Variants in KIRREL3 observed in about 807,000 individuals in gnomAD.
KIRREL3 encodes kirre like nephrin family adhesion molecule 3, also known as kin of IRRE-like protein 3.
A neutral mutation model predicts 89.7 loss-of-function variants in KIRREL3; 36 were observed. That is an observed-to-expected ratio of 0.40 (90% CI 0.31 to 0.53). The LOEUF (loss-of-function observed/expected upper bound fraction) is 0.53, where lower values mean the gene tolerates loss of function less well. Among genes scored for constraint, KIRREL3 ranks in the 20% least tolerant of loss-of-function variants. The pLI, the probability that KIRREL3 is intolerant of heterozygous loss-of-function variation, is 0.49. For synonymous variants in KIRREL3, 445 were observed against 441.4 expected (o/e 1.01, Z -0.10); for missense variants, 864 against 1,056.6 (o/e 0.82, Z 2.53).
Position 126,429,140 on chromosome 11 carries a change from G to A in KIRREL3, c.1806+39C>T. 1 of 1,320,282 alleles carries A rather than the reference G, an allele frequency of 7.6e-7. No individual in the cohort carries two copies. 81.8% of individuals were successfully genotyped at this position (1,320,282 alleles called of 1,614,324 possible). On this transcript the variant is annotated intron_variant, in intron 15 of 16. Coordinates refer to ENST00000525144, the MANE Select transcript of KIRREL3 (RefSeq NM_032531.4). The surrounding 1 kb of genome is among the most constrained non-coding windows in gnomAD (Gnocchi z 5.2). ...TCTAGTCCCAGGACCTTCTGGGAAT[G>A]GAGTCACGGGATGGGATGGGGCGTA...
At position 126,837,243 on chromosome 11, in the gene KIRREL3, A is replaced by C. The variant is rs1943811724; in HGVS notation, c.55+163212T>G. On this transcript the variant is annotated intron_variant, in intron 1 of 16. Coordinates refer to ENST00000525144, the MANE Select transcript of KIRREL3 (RefSeq NM_032531.4). This position sits in a 1 kb window ranked among gnomAD's most constrained non-coding sequence, Gnocchi z 4.7. ...ATAGGTTTAATAAAACCAGCCTTAGAACCCTGAGGGAGACAATACATGTAA... is the reference window on the plus strand; with the variant it reads ...ATAGGTTTAATAAAACCAGCCTTAGCACCCTGAGGGAGACAATACATGTAA... Among the ~76,000 whole-genome samples, 1 of 152,174 alleles carries C rather than the reference A, an allele frequency of 6.6e-6. No homozygotes were observed. The highest frequency in any genetic ancestry group is 1.5e-5 in the Non-Finnish European group (1 of 68,034).
intron 4 of KIRREL3, among the ~76,000 whole-genome samples, chr11:126,478,633 G>A (rs185209454): frequency 6.9e-4 from 100 of 145,966 alleles, no homozygotes; most frequent in Non-Finnish European, 1.2e-3. Flanking sequence ...GTGTGTATGC[G>A]TGTGTATGTG....
rs1347020874 is a variant in KIRREL3, at chr11:126,729,487, C to A, written c.56-166575G>T. 2.0e-5 allele frequency among the ~76,000 whole-genome samples: 3 copies of A among 152,124 alleles called. No individual in the cohort carries two copies. ...AGTCCTCCAGAGTCACAGGGGGAGTCAAAGGGTCAATAGGTGCTTCTCCTT... is the reference window on the plus strand; with the variant it reads ...AGTCCTCCAGAGTCACAGGGGGAGTAAAAGGGTCAATAGGTGCTTCTCCTT... On this transcript the variant is annotated intron_variant, in intron 1 of 16. Coordinates refer to ENST00000525144, the MANE Select transcript of KIRREL3 (RefSeq NM_032531.4). This position sits in a 1 kb window ranked among gnomAD's most constrained non-coding sequence, Gnocchi z 4.5.
At chr11:126,546,225 C>G (rs1040102814) in intron 2 of KIRREL3, among the ~76,000 whole-genome samples, 3 of 152,242 alleles carry the variant, frequency 2.0e-5, no homozygotes, top group African/African-American at 7.2e-5. Flanking sequence ...CTCCAAACAG[C>G]TGAGCTTGGA....
chr11:126,760,045 A>G (rs544623372), intron 1 of KIRREL3, among the ~76,000 whole-genome samples: 1 of 152,338 alleles, frequency 6.6e-6, no homozygotes, highest in South Asian at 2.1e-4. Flanking sequence ...GTTTTGATCT[A>G]GCACAGTTTT....
intron 1 of KIRREL3, among the ~76,000 whole-genome samples, chr11:126,901,288 G>A (rs139466063): frequency 2.0e-5 from 3 of 150,978 alleles, no homozygotes; most frequent in Non-Finnish European, 4.4e-5. Flanking sequence ...TCAAGTTAAC[G>A]ATTCTTTTAG....
At position 126,876,067 on chromosome 11, in the gene KIRREL3, T is replaced by A. The variant is rs1445580959; in HGVS notation, c.55+124388A>T. On this transcript the variant is annotated intron_variant, in intron 1 of 16. Coordinates refer to ENST00000525144, the MANE Select transcript of KIRREL3 (RefSeq NM_032531.4). This position sits in a 1 kb window ranked among gnomAD's most constrained non-coding sequence, Gnocchi z 4.1. Reference sequence around the variant, plus strand: ...GATGGGAGGGGCACAGGAGGGGTATTGGAGGTGACCTATTGTTGGAAATAA... The same window carrying A: ...GATGGGAGGGGCACAGGAGGGGTATAGGAGGTGACCTATTGTTGGAAATAA... 1.3e-5 allele frequency among the ~76,000 whole-genome samples: 2 copies of A among 152,116 alleles called. No individual in the cohort carries two copies. Among genetic ancestry groups the A allele is most frequent in the East Asian group, 3.9e-4 (2 of 5,178 alleles).
rs1441210048 is a variant in KIRREL3, at chr11:126,969,394, G to A, written c.55+31061C>T. 2.0e-5 allele frequency among the ~76,000 whole-genome samples: 3 copies of A among 152,114 alleles called. No homozygotes were observed. Among genetic ancestry groups the A allele is most frequent in the Non-Finnish European group, 4.4e-5 (3 of 68,026 alleles). On this transcript the variant is annotated intron_variant, in intron 1 of 16. Transcript: ENST00000525144. The surrounding 1 kb of genome is among the most constrained non-coding windows in gnomAD (Gnocchi z 4.9). ...GTGGCAGGTGTGAAGGTGGAGGTAA[G>A]TTTGGGGTGCTATGGGAACTCAGAG...
In KIRREL3 at chr11:126,495,978, C is replaced by A. The variant is rs531875838; in HGVS notation, c.434-22512G>T. Among the ~76,000 whole-genome samples, 134 of 152,332 alleles carry A rather than the reference C, an allele frequency of 8.8e-4. 1 individual carries two copies. Among genetic ancestry groups the A allele is most frequent in the African/African-American group, 3.2e-3 (133 of 41,564 alleles). On this transcript the variant is annotated intron_variant, in intron 4 of 16. Coordinates refer to ENST00000525144, the MANE Select transcript of KIRREL3 (RefSeq NM_032531.4). This position sits in a 1 kb window ranked among gnomAD's most constrained non-coding sequence, Gnocchi z 6.5. Reference sequence around the variant, plus strand: ...TTTCTCAGTATCTGCACTGCTACTACCCCAGCGCTCCAGCCCCTAGCTGTT... The same window carrying A: ...TTTCTCAGTATCTGCACTGCTACTAACCCAGCGCTCCAGCCCCTAGCTGTT...
Position 126,486,912 on chromosome 11 carries a change from T to G in KIRREL3, c.434-13446A>C, listed in dbSNP as rs544219749. Reference sequence around the variant, plus strand: ...GGAGTGTCCCCGCTGGTCCCATAAATAGAAGCAGAACTGATATAGTTGGTT... The same window carrying G: ...GGAGTGTCCCCGCTGGTCCCATAAAGAGAAGCAGAACTGATATAGTTGGTT... On this transcript the variant is annotated intron_variant, in intron 4 of 16. Coordinates refer to ENST00000525144, the MANE Select transcript of KIRREL3 (RefSeq NM_032531.4). The surrounding 1 kb of genome is among the most constrained non-coding windows in gnomAD (Gnocchi z 6.2). 6.6e-6 allele frequency among the ~76,000 whole-genome samples: 1 copy of G among 152,148 alleles called. No individual in the cohort carries two copies. The highest frequency in any genetic ancestry group is 2.4e-5 in the African/African-American group (1 of 41,524).
rs36033176 is a variant in KIRREL3 at position 126,869,154 on chromosome 11, C to CT, written c.55+131300dup. ...ACATGGGTGACCCTCTGCCTGAGGG[C>CT]TTTTTTTTTTTTTTTTTTTCTCCTA... On this transcript the variant is annotated intron_variant, in intron 1 of 16. Coordinates refer to ENST00000525144, the MANE Select transcript of KIRREL3 (RefSeq NM_032531.4). 3.1e-3 allele frequency among the ~76,000 whole-genome samples: 381 copies of CT among 121,258 alleles called. 4 individuals carry two copies. The highest frequency in any genetic ancestry group is 8.8e-3 in the African/African-American group (282 of 32,210). 79.5% of individuals were successfully genotyped at this position (121,258 alleles called of 152,430 possible). A position where few individuals can be genotyped will look rare whatever the true frequency, so the allele number is the denominator to read the frequency against.
rs544552603 is a variant in KIRREL3, at chr11:126,492,690, A to G, written c.434-19224T>C. ...TGACTCTGAAAGGGCCTTTTCTTCC[A>G]AGCAGTTCATGCCTCAGTGACTGTT... is the stretch of plus-strand genomic sequence containing the variant. On this transcript the variant is annotated intron_variant, in intron 4 of 16. Transcript: ENST00000525144. The surrounding 1 kb of genome is among the most constrained non-coding windows in gnomAD (Gnocchi z 4.8). 1.9e-4 allele frequency among the ~76,000 whole-genome samples: 29 copies of G among 152,284 alleles called. No homozygotes were observed. The highest frequency in any genetic ancestry group is 7.0e-4 in the African/African-American group (29 of 41,560).
chr11:126,865,833 A>G (rs1182788826), intron 1 of KIRREL3, among the ~76,000 whole-genome samples: 1 of 152,200 alleles, frequency 6.6e-6, no homozygotes, highest in Non-Finnish European at 1.5e-5. Flanking sequence ...AGAGAAAAAT[A>G]CTTATATATG....
At position 126,970,475 on chromosome 11, in the gene KIRREL3, A is replaced by G. The variant is rs1472816483; in HGVS notation, c.55+29980T>C. 6.6e-6 allele frequency among the ~76,000 whole-genome samples: 1 copy of G among 152,216 alleles called. No individual in the cohort carries two copies. The highest frequency in any genetic ancestry group is 1.5e-5 in the Non-Finnish European group (1 of 68,030). On this transcript the variant is annotated intron_variant, in intron 1 of 16. Transcript: ENST00000525144. This position sits in a 1 kb window ranked among gnomAD's most constrained non-coding sequence, Gnocchi z 4.4. ...CATTAGACAAAAAGTAACCAGTACC[A>G]TCAATCTTTAAAACCCCTACAGTGC... is the stretch of plus-strand genomic sequence containing the variant.
intron 1 of KIRREL3, among the ~76,000 whole-genome samples, chr11:126,774,631 T>C (rs1950118205): frequency 6.6e-6 from 1 of 152,164 alleles, no homozygotes; most frequent in African/African-American, 2.4e-5. Context: ...TGCATTTACA[T>C]GAGCTGTGCC....
chr11:126,437,303 C>A (rs1034581759), intron 11 of KIRREL3, among the ~76,000 whole-genome samples: 1 of 152,192 alleles, frequency 6.6e-6, no homozygotes, highest in Non-Finnish European at 1.5e-5. Flanking sequence ...CGTCTATACA[C>A]AGCTCCCCAC....
chr11:126,939,711 C>T (rs1948357886), intron 1 of KIRREL3, among the ~76,000 whole-genome samples: 1 of 152,188 alleles, frequency 6.6e-6, no homozygotes, highest in African/African-American at 2.4e-5. Context: ...CAAACTTGCC[C>T]TTGGTCCTCC....
At chr11:126,436,410 G>A (rs912788986) in intron 12 of KIRREL3, among the ~76,000 whole-genome samples, 3 of 152,216 alleles carry the variant, frequency 2.0e-5, no homozygotes, top group Non-Finnish European at 2.9e-5. Context: ...TGTATCCCAC[G>A]CTCCACCCAG....
rs1185297641 is a variant in KIRREL3 at position 126,863,491 on chromosome 11, G to A, written c.55+136964C>T. ...TGTGTGTGAGTGCGTGTGTGAGTGC[G>A]TGTGTGAGTGTGAGTGCGTGTGTGT... On this transcript the variant is annotated intron_variant, in intron 1 of 16. Coordinates refer to ENST00000525144, the MANE Select transcript of KIRREL3 (RefSeq NM_032531.4). Among the ~76,000 whole-genome samples the A allele has an allele frequency of 6.0e-4, 30 of 49,898 alleles. No individual in the cohort carries two copies. In the South Asian group the frequency reaches 0.025, roughly 42 times the overall value. 32.7% of individuals were successfully genotyped at this position (49,898 alleles called of 152,430 possible). A position where few individuals can be genotyped will look rare whatever the true frequency, so the allele number is the denominator to read the frequency against.
Sources: gnomAD v4.1 joint callset for allele counts (sites outside exome capture counted in the v4.1 genomes callset) on GRCh38, gnomAD v4.1.1 for gene constraint, Gnocchi (gnomAD v3.1) non-coding constraint, MANE v1.5 for transcripts, NCBI Gene and HGNC (gene_info 2026-07-23, HGNC 2026-07-21) for gene names.